Variants in GABRB1 observed in about 807,000 individuals in gnomAD.
The protein encoded by GABRB1 is gamma-aminobutyric acid receptor subunit beta-1.
Under a neutral mutation model 51.6 loss-of-function variants are expected in GABRB1, and 17 were observed. The observed-to-expected ratio is 0.33, with a 90% CI of 0.23 to 0.49. The LOEUF (loss-of-function observed/expected upper bound fraction) is 0.49, where lower values mean the gene tolerates loss of function less well. Among genes scored for constraint, GABRB1 ranks in the 20% least tolerant of loss-of-function variants. GABRB1 has a pLI of 0.99. For missense variants in GABRB1, 410 were observed against 600.6 expected (o/e 0.68, Z 3.32); for synonymous variants, 247 against 218.9 (o/e 1.13, Z -1.14).
chr4:47,171,191 C>CA (rs568951547), intron 4 of GABRB1, among the ~76,000 whole-genome samples: 88 of 148,994 alleles, frequency 5.9e-4, no homozygotes, highest in South Asian at 8.5e-4. Flanking sequence ...AAACAGTAAC[C>CA]AAAAAAATAA....
chr4:47,069,492 C>T (rs1008427972), intron 3 of GABRB1, among the ~76,000 whole-genome samples: 8 of 152,158 alleles, frequency 5.3e-5, no homozygotes, highest in Non-Finnish European at 8.8e-5. Flanking sequence ...GTCTAAGCTG[C>T]TCAGCCAATA....
chr4:47,304,872 TG>T (rs1401280616), intron 4 of GABRB1, among the ~76,000 whole-genome samples: 1 of 152,102 alleles, frequency 6.6e-6, no homozygotes, highest in African/African-American at 2.4e-5. Flanking sequence ...GATGTTTTAA[TG>T]GTTAAAAACA....
intron 1 of GABRB1, among the ~76,000 whole-genome samples, chr4:47,001,902 T>C (rs1724241307): frequency 1.3e-5 from 2 of 152,242 alleles, no homozygotes; most frequent in Admixed American, 6.5e-5. Flanking sequence ...TCAAATGCCA[T>C]TAAATTGTTC....
chr4:47,196,520 A>G (rs954208071), intron 4 of GABRB1, among the ~76,000 whole-genome samples: 2 of 152,334 alleles, frequency 1.3e-5, no homozygotes, highest in Non-Finnish European at 2.9e-5. Context: ...GCAGATGGCC[A>G]AGAAAAGAAG....
intron 3 of GABRB1, among the ~76,000 whole-genome samples, chr4:47,156,971 A>G: frequency 6.6e-6 from 1 of 152,122 alleles, no homozygotes; most frequent in East Asian, 1.9e-4. Flanking sequence ...CCATCTCAAA[A>G]AATAAAAATA....
intron 5 of GABRB1, among the ~76,000 whole-genome samples, chr4:47,343,015 C>A (rs1311388374): frequency 6.6e-6 from 1 of 151,948 alleles, no homozygotes; most frequent in Non-Finnish European, 1.5e-5. Flanking sequence ...GCTCCACAAG[C>A]TTGGATAATC....
chr4:47,033,413 C>T (rs1577842956), intron 3 of GABRB1, among the ~76,000 whole-genome samples: 1 of 152,222 alleles, frequency 6.6e-6, no homozygotes, highest in South Asian at 2.1e-4. Context: ...TGTTGCTTCT[C>T]GTAAGACGGA....
At chr4:47,274,802 G>A (rs1723019182) in intron 4 of GABRB1, among the ~76,000 whole-genome samples, 1 of 152,102 alleles carries the variant, frequency 6.6e-6, no homozygotes, top group South Asian at 2.1e-4. Context: ...TAACTCTCAA[G>A]GGCCCTGGTG....
chr4:47,177,000 A>C (rs533642308), intron 4 of GABRB1, among the ~76,000 whole-genome samples: 2 of 152,170 alleles, frequency 1.3e-5, no homozygotes, highest in Non-Finnish European at 2.9e-5. Context: ...GAAACCAGTC[A>C]TCTGATTTCA....
chr4:47,331,493 A>T (rs1028195943), intron 5 of GABRB1, among the ~76,000 whole-genome samples: 14 of 151,496 alleles, frequency 9.2e-5, no homozygotes, highest in African/African-American at 3.4e-4. Flanking sequence ...GTGTAGATTG[A>T]TGAGAATATC....
intron 3 of GABRB1, among the ~76,000 whole-genome samples, chr4:47,078,323 A>T (rs74559515): frequency 6.6e-6 from 1 of 152,206 alleles, no homozygotes; most frequent in African/African-American, 2.4e-5. Context: ...GAAAAATTTA[A>T]CAGATGCCTG....
At chr4:47,172,299 T>A (rs551067399) in intron 4 of GABRB1, among the ~76,000 whole-genome samples, 1 of 152,206 alleles carries the variant, frequency 6.6e-6, no homozygotes, top group Non-Finnish European at 1.5e-5. Flanking sequence ...ATCTAAGTAA[T>A]CTGATTGAAG....
At chr4:47,337,813 A>G (rs1725752876) in intron 5 of GABRB1, among the ~76,000 whole-genome samples, 1 of 150,240 alleles carries the variant, frequency 6.7e-6, no homozygotes, top group Non-Finnish European at 1.5e-5. Context: ...CTGTCTAAAA[A>G]AAAAAAAAAA....
At chr4:47,056,745 G>T (rs1274223722) in intron 3 of GABRB1, among the ~76,000 whole-genome samples, 1 of 152,150 alleles carries the variant, frequency 6.6e-6, no homozygotes, top group Non-Finnish European at 1.5e-5. Context: ...TTCACTGGAT[G>T]AAACAAACAG....
chr4:47,295,407 G>C (rs1330362720), intron 4 of GABRB1, among the ~76,000 whole-genome samples: 1 of 152,194 alleles, frequency 6.6e-6, no homozygotes, highest in African/African-American at 2.4e-5. Flanking sequence ...ACAGAGAAGT[G>C]CTTAAAGGAG....
chr4:47,073,472 G>C (rs1453345630), intron 3 of GABRB1, among the ~76,000 whole-genome samples: 1 of 152,030 alleles, frequency 6.6e-6, no homozygotes, highest in Non-Finnish European at 1.5e-5. Flanking sequence ...TGTTCTAAGA[G>C]GCATAAAACT....
chr4:47,032,127 G>T, intron 2 of GABRB1, 122 bp downstream of exon 2: 3 of 579,856 alleles, frequency 5.2e-6, no homozygotes, highest in Non-Finnish European at 6.0e-6. Flanking sequence ...CTATACCCTG[G>T]GCACACACAC....
intron 4 of GABRB1, among the ~76,000 whole-genome samples, chr4:47,282,393 G>A (rs577334940): frequency 2.9e-4 from 44 of 152,240 alleles, no homozygotes; most frequent in African/African-American, 1.1e-3. Flanking sequence ...AGCCCCACAT[G>A]CATGCTAGCA....
intron 5 of GABRB1, among the ~76,000 whole-genome samples, chr4:47,336,847 T>C (rs1725719227): frequency 6.6e-6 from 1 of 151,990 alleles, no homozygotes. Context: ...AATAAGCCAG[T>C]TGGATGTGAT....
Sources: allele counts gnomAD v4.1 joint callset (sites outside exome capture counted in the v4.1 genomes callset), GRCh38; gene constraint gnomAD v4.1.1; transcripts MANE v1.5; gene names NCBI Gene and HGNC (gene_info 2026-07-23, HGNC 2026-07-21).